The following MED27 variants were observed in gnomAD, a reference collection of about 807,000 sequenced individuals.
MED27 encodes mediator complex subunit 27.
Under a neutral mutation model 38.2 loss-of-function variants are expected in MED27, and 30 were observed. The ratio of observed to expected loss-of-function variants is 0.79; its 90% confidence interval spans 0.59 to 1.07. The LOEUF is 1.07. MED27 is among the 50% of genes least tolerant of loss of function. The pLI, the probability that MED27 is intolerant of heterozygous loss-of-function variation, is 0.00. For synonymous variants in MED27, 122 were observed against 153.5 expected (o/e 0.79, Z 1.52); for missense variants, 289 against 397.5 (o/e 0.73, Z 2.32).
chr9:131,891,710 C>T (rs1175803320), intron 5 of MED27, among the ~76,000 whole-genome samples: 3 of 152,088 alleles, frequency 2.0e-5, no homozygotes, highest in Non-Finnish European at 4.4e-5. Context: ...GAGAATCATC[C>T]GCTCGCATGT....
intron 3 of MED27, among the ~76,000 whole-genome samples, chr9:131,998,343 G>C (rs1005949643): frequency 6.6e-6 from 1 of 151,526 alleles, no homozygotes; most frequent in Admixed American, 6.6e-5. Flanking sequence ...GGAAGACAGT[G>C]GTAGATGATC....
At chr9:131,910,348 T>A (rs569591011) in intron 4 of MED27, among the ~76,000 whole-genome samples, 200 of 152,340 alleles carry the variant, frequency 1.3e-3, no homozygotes, top group Non-Finnish European at 2.4e-3. Flanking sequence ...CCATTTGGAA[T>A]CTCAGCTTTT....
At chr9:132,034,283 C>A (rs554412196) in intron 2 of MED27, among the ~76,000 whole-genome samples, 52 of 152,090 alleles carry the variant, frequency 3.4e-4, no homozygotes, top group Admixed American at 1.0e-3. Flanking sequence ...TTCAAGGGAG[C>A]AAAGAAAGAG....
chr9:131,929,727 T>C (rs959845440), intron 4 of MED27, among the ~76,000 whole-genome samples: 2 of 152,106 alleles, frequency 1.3e-5, no homozygotes. Flanking sequence ...TGCAGTAGAA[T>C]AGAGTACCAG....
rs1838676726 is a variant in MED27 at position 131,863,000 on chromosome 9, C to G, written c.801+63G>C. 7 of 1,446,718 alleles carry G rather than the reference C, an allele frequency of 4.8e-6. 1 individual carries two copies. In the African/African-American group the frequency reaches 5.6e-5, roughly 12 times the overall value. The allele number at this position is 1,446,718 out of a possible 1,614,324, so 89.6% of individuals were successfully genotyped here. A position where few individuals can be genotyped will look rare whatever the true frequency, so the allele number is the denominator to read the frequency against. On this transcript the variant is annotated intron_variant, in intron 7 of 7. Transcript: ENST00000292035. This position sits in a 1 kb window ranked among gnomAD's most constrained non-coding sequence, Gnocchi z 4.6. ...AGATGCAACGGCTGCCCTTCAAGCT[C>G]CCTGTTCTCACTTGAAGGGAGCTGA...
chr9:131,998,145 G>T (rs1407387528), intron 3 of MED27, among the ~76,000 whole-genome samples: 1 of 151,936 alleles, frequency 6.6e-6, no homozygotes, highest in East Asian at 1.9e-4. Flanking sequence ...AATGGGCGAG[G>T]TTCACACGCA....
At chr9:132,010,610 T>C (rs1442053953) in intron 3 of MED27, among the ~76,000 whole-genome samples, 1 of 152,154 alleles carries the variant, frequency 6.6e-6, no homozygotes, top group Admixed American at 6.6e-5. Context: ...CTATTCACAA[T>C]AGCAAAGACT....
chr9:131,938,455 T>C (rs1301006853), intron 4 of MED27, among the ~76,000 whole-genome samples: 2 of 152,210 alleles, frequency 1.3e-5, no homozygotes, highest in African/African-American at 4.8e-5. Flanking sequence ...CACAGACCAC[T>C]AGAAAAGCTT....
intron 2 of MED27, among the ~76,000 whole-genome samples, chr9:132,021,302 T>A (rs1292421443): frequency 1.3e-5 from 2 of 152,220 alleles, no homozygotes; most frequent in Non-Finnish European, 2.9e-5. Context: ...TGTATGCATG[T>A]TATCATCCTT....
chr9:131,870,229 C>T (rs1352961988), intron 6 of MED27, among the ~76,000 whole-genome samples: 1 of 152,204 alleles, frequency 6.6e-6, no homozygotes, highest in Admixed American at 6.5e-5. Flanking sequence ...TAATCCTGTG[C>T]AAGAGCTGGT....
chr9:132,047,776 CAT>C (rs1281369202), intron 2 of MED27, among the ~76,000 whole-genome samples: 2 of 151,996 alleles, frequency 1.3e-5, no homozygotes, highest in Non-Finnish European at 2.9e-5. Flanking sequence ...ATAACATTAT[CAT>C]ATAATATCAT....
chr9:132,018,478 G>A (rs1832650703), intron 2 of MED27, among the ~76,000 whole-genome samples: 1 of 152,194 alleles, frequency 6.6e-6, no homozygotes, highest in African/African-American at 2.4e-5. Flanking sequence ...CCACTTGCAT[G>A]ATGTCTTCTG....
At chr9:132,050,628 G>A (rs559021397) in intron 2 of MED27, among the ~76,000 whole-genome samples, 1 of 152,220 alleles carries the variant, frequency 6.6e-6, no homozygotes, top group Non-Finnish European at 1.5e-5. Flanking sequence ...AACTGCAGCA[G>A]AGTGCCTTCC....
intron 2 of MED27, among the ~76,000 whole-genome samples, chr9:132,043,446 G>A (rs183498221): frequency 1.3e-5 from 2 of 152,190 alleles, no homozygotes; most frequent in Non-Finnish European, 2.9e-5. Context: ...CACACGCACA[G>A]GAACTGCTGC....
chr9:131,955,817 T>C (rs916487172), intron 3 of MED27, among the ~76,000 whole-genome samples: 6 of 152,104 alleles, frequency 3.9e-5, no homozygotes, highest in Non-Finnish European at 5.9e-5. Context: ...AGGGAAGAAA[T>C]AGTATCAATC....
At chr9:131,910,997 TA>T (rs948670420) in intron 4 of MED27, among the ~76,000 whole-genome samples, 50 of 152,304 alleles carry the variant, frequency 3.3e-4, no homozygotes, top group African/African-American at 1.0e-3. Context: ...TGCCTGTTTG[TA>T]AATAGCAAGA....
At chr9:131,925,419 T>G (rs554098082) in intron 4 of MED27, among the ~76,000 whole-genome samples, 1 of 152,250 alleles carries the variant, frequency 6.6e-6, no homozygotes, top group East Asian at 1.9e-4. Context: ...TATTTTAAAA[T>G]GTAAGAGCAG....
intron 3 of MED27, among the ~76,000 whole-genome samples, chr9:131,983,780 G>T (rs148664407): frequency 6.6e-6 from 1 of 152,134 alleles, no homozygotes; most frequent in Admixed American, 6.5e-5. Flanking sequence ...GCTAATAAAT[G>T]TTCTAAATGG....
chr9:131,976,868 C>G (rs552611251), intron 3 of MED27, among the ~76,000 whole-genome samples: 18 of 152,222 alleles, frequency 1.2e-4, no homozygotes, highest in South Asian at 2.1e-4. Flanking sequence ...AAAAACAGAT[C>G]ATTACGCTTT....
Sources: gnomAD v4.1 joint callset for allele counts (sites outside exome capture counted in the v4.1 genomes callset) on GRCh38, gnomAD v4.1.1 for gene constraint, Gnocchi (gnomAD v3.1) non-coding constraint, MANE v1.5 for transcripts, NCBI Gene and HGNC (gene_info 2026-07-23, HGNC 2026-07-21) for gene names.